Variants in CHST11 observed in about 807,000 individuals in gnomAD.
CHST11 encodes the protein C4S-1.
A neutral mutation model predicts 30.4 loss-of-function variants in CHST11; 9 were observed. The observed-to-expected ratio is 0.30, with a 90% confidence interval of 0.18 to 0.52. The LOEUF (loss-of-function observed/expected upper bound fraction) is 0.52, where lower values mean the gene tolerates loss of function less well. CHST11 is among the 20% of genes least tolerant of loss of function. The pLI, the probability that CHST11 is intolerant of heterozygous loss-of-function variation, is 0.97. For missense variants in CHST11, 348 were observed against 460.6 expected (o/e 0.76, Z 2.24); for synonymous variants, 152 against 187.8 (o/e 0.81, Z 1.56).
intron 2 of CHST11, among the ~76,000 whole-genome samples, chr12:104,737,792 C>T (rs2040313472): frequency 6.6e-6 from 1 of 152,114 alleles, no homozygotes; most frequent in African/African-American, 2.4e-5. Flanking sequence ...CAGGGAGGGC[C>T]TGGCCTGAGA....
At chr12:104,708,628 A>G (rs917073986) in intron 2 of CHST11, among the ~76,000 whole-genome samples, 118 of 152,198 alleles carry the variant, frequency 7.8e-4, no homozygotes, top group African/African-American at 2.7e-3. Context: ...CCTCCTAGCC[A>G]GCCCACCCCA....
intron 2 of CHST11, among the ~76,000 whole-genome samples, chr12:104,664,657 C>T (rs2039627311): frequency 2.0e-5 from 3 of 152,324 alleles, no homozygotes; most frequent in East Asian, 1.9e-4. Flanking sequence ...GTCCCCTCCT[C>T]GGACAGAGCA....
chr12:104,462,191 A>G (rs7979881), intron 1 of CHST11, among the ~76,000 whole-genome samples: 29,638 of 144,558 alleles, frequency 0.21, 3,495 homozygotes, highest in East Asian at 0.53. Context: ...AAAAAGAAAA[A>G]GAAAAGAAAA....
intron 2 of CHST11, among the ~76,000 whole-genome samples, chr12:104,645,703 G>A (rs1243987437): frequency 2.0e-5 from 3 of 148,140 alleles, no homozygotes; most frequent in Non-Finnish European, 3.0e-5. Context: ...CCCATTAGGT[G>A]AGCCAAGACA....
At position 104,484,111 on chromosome 12, in the gene CHST11, A is replaced by T. The variant is rs184224449; in HGVS notation, c.118+26582A>T. 3.2e-4 allele frequency among the ~76,000 whole-genome samples: 48 copies of T among 152,338 alleles called. No individual in the cohort carries two copies. In the South Asian group the frequency reaches 6.4e-3, roughly 20 times the overall value. ...AGATGGAATGAGATTAGATGGCATC[A>T]TGGTCAGAGTGACCCATTTCCTAAT... On this transcript the variant is annotated intron_variant, in intron 1 of 2. Transcript: ENST00000303694.
chr12:104,542,089 A>G (rs1408824933), intron 1 of CHST11, among the ~76,000 whole-genome samples: 2 of 152,252 alleles, frequency 1.3e-5, no homozygotes, highest in Non-Finnish European at 2.9e-5. Flanking sequence ...ATCTTTCCTC[A>G]ATTGAGAAGA....
At chr12:104,478,182 C>T (rs1020737534) in intron 1 of CHST11, among the ~76,000 whole-genome samples, 1 of 151,422 alleles carries the variant, frequency 6.6e-6, no homozygotes, top group Non-Finnish European at 1.5e-5. Flanking sequence ...CTGATCGTTA[C>T]ACACACACAC....
rs1441607756 is a variant in CHST11, at chr12:104,485,763, G to A, written c.118+28234G>A. ...TAACCACAACGCATCTGTAATCAGC[G>A]GGACTTATCATGAGTTCTTGAGCTG... On this transcript the variant is annotated intron_variant, in intron 1 of 2. Transcript: ENST00000303694. Among the ~76,000 whole-genome samples the A allele has an allele frequency of 4.0e-5, 6 of 149,828 alleles. No homozygotes were observed. The East Asian group carries it at 5.8e-4, about 14-fold the overall frequency.
chr12:104,472,093 A>G (rs2135954878), intron 1 of CHST11, among the ~76,000 whole-genome samples: 1 of 151,500 alleles, frequency 6.6e-6, no homozygotes, highest in East Asian at 1.9e-4. Context: ...AGTAGCTGGG[A>G]CTACAGGTGT....
intron 2 of CHST11, among the ~76,000 whole-genome samples, chr12:104,712,732 CCAA>C (rs2040097615): frequency 6.6e-6 from 1 of 152,146 alleles, no homozygotes; most frequent in Non-Finnish European, 1.5e-5. Flanking sequence ...ATTCCTAAAA[CCAA>C]CGTCATCATT....
intron 2 of CHST11, among the ~76,000 whole-genome samples, chr12:104,731,600 C>T (rs1054707448): frequency 6.6e-6 from 1 of 152,202 alleles, no homozygotes; most frequent in Non-Finnish European, 1.5e-5. Flanking sequence ...TGGGTGTAAA[C>T]CCCCGCACCC....
At chr12:104,629,827 A>T (rs962263187) in intron 2 of CHST11, among the ~76,000 whole-genome samples, 9 of 152,104 alleles carry the variant, frequency 5.9e-5, no homozygotes, top group African/African-American at 2.2e-4. Flanking sequence ...CCATCTCAAA[A>T]TTTTTTTTAA....
chr12:104,483,423 C>G (rs1456064025), intron 1 of CHST11, among the ~76,000 whole-genome samples: 1 of 152,198 alleles, frequency 6.6e-6, no homozygotes, highest in Non-Finnish European at 1.5e-5. Context: ...CCAAGCTGGT[C>G]TTGAACTCCT....
chr12:104,730,364 G>A (rs2040247069), intron 2 of CHST11, among the ~76,000 whole-genome samples: 1 of 152,210 alleles, frequency 6.6e-6, no homozygotes, highest in South Asian at 2.1e-4. Context: ...CAAAACCTTT[G>A]ATGCAGGGCC....
At chr12:104,734,435 G>A (rs892678055) in intron 2 of CHST11, among the ~76,000 whole-genome samples, 1 of 152,182 alleles carries the variant, frequency 6.6e-6, no homozygotes, top group African/African-American at 2.4e-5. Flanking sequence ...TTGTATAGTT[G>A]CAGAAACTGG....
chr12:104,646,057 G>A (rs1022635834), intron 2 of CHST11, among the ~76,000 whole-genome samples: 12 of 152,312 alleles, frequency 7.9e-5, no homozygotes, highest in Admixed American at 2.6e-4. Context: ...GGATGCTGCC[G>A]GCTCAGCCAG....
At chr12:104,540,888 G>A (rs527714437) in intron 1 of CHST11, among the ~76,000 whole-genome samples, 1 of 152,236 alleles carries the variant, frequency 6.6e-6, no homozygotes, top group Non-Finnish European at 1.5e-5. Flanking sequence ...AGGTAGAAAT[G>A]GAGCTTCCCC....
At chr12:104,674,441 G>T (rs1453572205) in intron 2 of CHST11, among the ~76,000 whole-genome samples, 1 of 152,086 alleles carries the variant, frequency 6.6e-6, no homozygotes, top group Non-Finnish European at 1.5e-5. Flanking sequence ...TTTTAGAGAT[G>T]AACAAACAAA....
intron 2 of CHST11, among the ~76,000 whole-genome samples, chr12:104,717,167 T>G (rs2040137753): frequency 6.6e-6 from 1 of 152,194 alleles, no homozygotes; most frequent in South Asian, 2.1e-4. Flanking sequence ...CTACCTTGAT[T>G]CCCCCTTGCC....
Sources: gnomAD v4.1 joint callset for allele counts (sites outside exome capture counted in the v4.1 genomes callset) on GRCh38, gnomAD v4.1.1 for gene constraint, MANE v1.5 for transcripts, NCBI Gene and HGNC (gene_info 2026-07-23, HGNC 2026-07-21) for gene names.